SORL1: variants seen among roughly 807,000 people sequenced by gnomAD.
The protein encoded by SORL1 is sortilin related receptor 1, also known as sortilin-related receptor.
SORL1 carries 127 observed loss-of-function variants against 273.7 expected under a neutral mutation model. That is an observed-to-expected ratio of 0.46 (90% confidence interval 0.40 to 0.54). The LOEUF is 0.54. SORL1 is among the 20% of genes least tolerant of loss of function. SORL1 has a pLI of 0.00. For synonymous variants in SORL1, 1,031 were observed against 1,067.4 expected (o/e 0.97, Z 0.66); for missense variants, 2,494 against 2,846.1 (o/e 0.88, Z 2.81).
chr11:121,501,297 T>A (rs1304890017), intron 6 of SORL1, among the ~76,000 whole-genome samples: 1 of 152,232 alleles, frequency 6.6e-6, no homozygotes, highest in Non-Finnish European at 1.5e-5. Flanking sequence ...ATTCATAAGG[T>A]TATACAATGA....
chr11:121,480,640 C>G (rs1258596478), intron 3 of SORL1, among the ~76,000 whole-genome samples: 1 of 147,974 alleles, frequency 6.8e-6, no homozygotes, highest in African/African-American at 2.5e-5. Flanking sequence ...TACCTATAGG[C>G]AGGCTTCATC....
intron 1 of SORL1, among the ~76,000 whole-genome samples, chr11:121,459,499 G>A (rs1860958051): frequency 6.6e-6 from 1 of 152,208 alleles, no homozygotes; most frequent in South Asian, 2.1e-4. Flanking sequence ...GGGGACCGTG[G>A]AGGGCCAAGT....
intron 6 of SORL1, among the ~76,000 whole-genome samples, chr11:121,498,806 G>T (rs1439713668): frequency 6.6e-6 from 1 of 151,884 alleles, no homozygotes; most frequent in Non-Finnish European, 1.5e-5. Flanking sequence ...AATTTGGGAG[G>T]TGGAGGTTGC....
chr11:121,618,988 T>G, intron 42 of SORL1, 95 bp downstream of exon 42: 1 of 1,330,158 alleles, frequency 7.5e-7, no homozygotes, highest in Non-Finnish European at 1.1e-6. Context: ...ATACCTGGAC[T>G]CCAGGATTGA....
At chr11:121,575,280 A>G (rs181290335) in intron 24 of SORL1, among the ~76,000 whole-genome samples, 69 of 152,298 alleles carry the variant, frequency 4.5e-4, no homozygotes, top group African/African-American at 1.6e-3. Flanking sequence ...GTTTCATGAG[A>G]CCCATCTTAG....
intron 46 of SORL1, 89 bp downstream of exon 46, chr11:121,625,366 A>AG: frequency 5.7e-6 from 6 of 1,048,160 alleles, no homozygotes; most frequent in Non-Finnish European, 8.4e-6. Flanking sequence ...GTCTTTCTAA[A>AG]ACACATGGAA....
intron 21 of SORL1, among the ~76,000 whole-genome samples, chr11:121,565,209 C>T (rs570063932): frequency 9.9e-4 from 151 of 152,302 alleles, no homozygotes; most frequent in African/African-American, 3.5e-3. Flanking sequence ...ATGTGGACTT[C>T]CCTTCCTCTG....
rs1294452234 is a variant in SORL1, at chr11:121,545,389, G to A, written c.2011G>A (p.Val671Ile). 1 of 1,614,050 alleles carries A rather than the reference G, an allele frequency of 6.2e-7. No individual in the cohort carries two copies. Among genetic ancestry groups the A allele is most frequent in the African/African-American group, 1.3e-5 (1 of 74,918 alleles). ...FNGEDFDRPV[V>I]VSNCSCTRED... ...TGGAGAGGACTTTGACAGGCCGGTG[G>A]TCGTGTCCAACTGCTCCTGCACCCG... The change falls in exon 14 of 48, where the codon GTC (valine) becomes ATC (isoleucine). Residue 671 changes from valine to isoleucine, a missense_variant. By Grantham distance (29) the Val-to-Ile change is conservative. Transcript: ENST00000260197.
chr11:121,606,048 G>A (rs938547695), intron 35 of SORL1, among the ~76,000 whole-genome samples: 3 of 152,132 alleles, frequency 2.0e-5, no homozygotes, highest in East Asian at 1.9e-4. Flanking sequence ...TCAGCCTCTC[G>A]CATAGCTGAG....
In SORL1 at chr11:121,452,375, T is replaced by C. The variant is rs1860812638; in HGVS notation, c.44T>C (p.Leu15Pro). The C allele has an allele frequency of 1.3e-6, 2 of 1,554,768 alleles. No individual in the cohort carries two copies. The highest frequency in any genetic ancestry group is 1.4e-5 in the African/African-American group (1 of 70,374). ...AGGAGGGAGTCGCGACTCCCGTTCCTATTCACCCTGGTCGCACTGCTGCCG... is the reference window on the plus strand; with the variant it reads ...AGGAGGGAGTCGCGACTCCCGTTCCCATTCACCCTGGTCGCACTGCTGCCG... Reference protein sequence around the residue: ...SSRRESRLPFLFTLVALLPPG... With the variant: ...SSRRESRLPFPFTLVALLPPG... Residue 15 changes from leucine (L) to proline (P), a missense_variant, in exon 1 of 48, where the codon CTA becomes CCA. Physicochemically the swap from Leu to Pro is moderately conservative, Grantham distance 98. Transcript: ENST00000260197. This position sits in a 1 kb window ranked among gnomAD's most constrained non-coding sequence, Gnocchi z 5.3.
At chr11:121,619,994 C>G (rs2134946449) in intron 43 of SORL1, 77 bp downstream of exon 43, 5 of 1,162,892 alleles carry the variant, frequency 4.3e-6, no homozygotes, top group Non-Finnish European at 6.4e-6. Flanking sequence ...AGGGGATCCT[C>G]TAATGGGGCA....
At chr11:121,484,385 G>T (rs2134805211) in intron 3 of SORL1, among the ~76,000 whole-genome samples, 1 of 152,270 alleles carries the variant, frequency 6.6e-6, no homozygotes, top group African/African-American at 2.4e-5. Flanking sequence ...AGTTTGTTTA[G>T]TCTCTAGTGA....
chr11:121,618,227 GA>G (rs1427143120), intron 41 of SORL1, among the ~76,000 whole-genome samples: 1 of 152,214 alleles, frequency 6.6e-6, no homozygotes, highest in Non-Finnish European at 1.5e-5. Flanking sequence ...TTCTCAATCA[GA>G]ACCAGAGTTC....
At chr11:121,514,047 A>G (rs1254574566) in intron 7 of SORL1, 105 bp from the exon 8 acceptor site, 3 of 1,296,964 alleles carry the variant, frequency 2.3e-6, no homozygotes, top group East Asian at 2.5e-5. Context: ...TTAGGCCAAC[A>G]TTCATCGCTA....
chr11:121,580,438 T>C lies in SORL1; in HGVS notation c.3581-3020T>C, dbSNP rs193204127. On this transcript the variant is annotated intron_variant, in intron 25 of 47. Transcript: ENST00000260197. ...GTTTCACATATACATGGAGCTGTTT[T>C]TTTTATTTCCATGAGTATACGTTTT... Among the ~76,000 whole-genome samples, 176 of 152,304 alleles carry C rather than the reference T, an allele frequency of 1.2e-3. 1 individual carries two copies. Among genetic ancestry groups the C allele is most frequent in the African/African-American group, 4.1e-3 (170 of 41,570 alleles).
chr11:121,555,571 GTACT>G (rs1309867606), intron 18 of SORL1, among the ~76,000 whole-genome samples: 9 of 151,830 alleles, frequency 5.9e-5, no homozygotes, highest in African/African-American at 1.5e-4. Flanking sequence ...ATTTATATAT[GTACT>G]TACTTATTTT....
Position 121,532,505 on chromosome 11 carries a change from C to A in SORL1, c.1638C>A (p.Gly546=). ...GPHYYTWGDH[G]GIITAIAQGM... ...ACTACTACACATGGGGAGACCACGG[C>A]GGAATCATCACGGCCATTGCCCAGG... The change falls in exon 12 of 48, where the codon GGC becomes GGA. Residue 546 remains glycine (G), a synonymous_variant. Transcript: ENST00000260197. 1 of 1,614,074 alleles carries A rather than the reference C, an allele frequency of 6.2e-7. No individual in the cohort carries two copies. The highest frequency in any genetic ancestry group is 1.1e-5 in the South Asian group (1 of 91,080).
rs371319594 is a variant in SORL1 at position 121,607,300 on chromosome 11, G to A, written c.5166+10G>A. ...TCTATACACCGTCAGAGTGAGTGTCGTCATCCATTCCAGCCATCCATGCAG... is the reference window on the plus strand; with the variant it reads ...TCTATACACCGTCAGAGTGAGTGTCATCATCCATTCCAGCCATCCATGCAG... On this transcript the variant is annotated intron_variant, in intron 37 of 47. Coordinates refer to ENST00000260197, the MANE Select transcript of SORL1 (RefSeq NM_003105.6). 27 of 1,462,800 alleles carry A rather than the reference G, an allele frequency of 1.8e-5. No homozygotes were observed. Among genetic ancestry groups the A allele is most frequent in the South Asian group, 1.0e-4 (9 of 87,742 alleles). 90.6% of individuals were successfully genotyped at this position (1,462,800 alleles called of 1,614,324 possible).
chr11:121,506,777 T>G (rs1350692047), intron 6 of SORL1, among the ~76,000 whole-genome samples: 1 of 152,268 alleles, frequency 6.6e-6, no homozygotes, highest in African/African-American at 2.4e-5. Context: ...TTAGGATGTT[T>G]AATTTACTTA....
Sources: allele counts gnomAD v4.1 joint callset (sites outside exome capture counted in the v4.1 genomes callset), GRCh38; gene constraint gnomAD v4.1.1; non-coding constraint Gnocchi (gnomAD v3.1); transcripts MANE v1.5; gene names NCBI Gene and HGNC (gene_info 2026-07-23, HGNC 2026-07-21).